The following CDH12 variants were observed in gnomAD, a reference collection of about 807,000 sequenced individuals.
CDH12 encodes cadherin-12.
CDH12 carries 41 observed loss-of-function variants against 74.1 expected under a neutral mutation model. The ratio of observed to expected loss-of-function variants is 0.55; its 90% CI spans 0.43 to 0.72. The LOEUF (loss-of-function observed/expected upper bound fraction) is 0.72. Ranked by LOEUF, CDH12 falls within the 30% of genes least tolerant of loss-of-function variation. The pLI, the probability that CDH12 is intolerant of heterozygous loss-of-function variation, is 0.00. For missense variants in CDH12, 945 were observed against 977.2 expected, an observed-to-expected ratio of 0.97 and a Z score of 0.44; for synonymous variants, 399 against 355.0, an observed-to-expected ratio of 1.12 and a Z score of -1.39.
At chr5:22,283,207 T>G (rs1349472145) in intron 3 of CDH12, among the ~76,000 whole-genome samples, 7 of 87,378 alleles carry the variant, frequency 8.0e-5, no homozygotes, top group African/African-American at 1.2e-4. Flanking sequence ...ATCTGTGAGA[T>G]ATATATATAG....
At chr5:21,935,074 A>C (rs760825208) in intron 6 of CDH12, among the ~76,000 whole-genome samples, 24 of 151,948 alleles carry the variant, frequency 1.6e-4, no homozygotes, top group South Asian at 6.2e-4. Flanking sequence ...GCGTGAGCCA[A>C]CGTGCCCGGC....
At chr5:22,624,758 C>T (rs563052707) in intron 1 of CDH12, among the ~76,000 whole-genome samples, 3 of 152,156 alleles carry the variant, frequency 2.0e-5, no homozygotes, top group African/African-American at 7.2e-5. Context: ...GTGGCGATTC[C>T]TCAAGGATCT....
intron 1 of CDH12, among the ~76,000 whole-genome samples, chr5:22,754,532 A>G (rs556285543): frequency 1.3e-5 from 2 of 149,344 alleles, no homozygotes; most frequent in East Asian, 2.1e-4. Flanking sequence ...AAAATCATCA[A>G]GGAAAGCAGG....
chr5:22,845,841 T>C (rs1348256748), intron 1 of CDH12, among the ~76,000 whole-genome samples: 1 of 152,152 alleles, frequency 6.6e-6, no homozygotes, highest in Non-Finnish European at 1.5e-5. Flanking sequence ...AGAGTGTACA[T>C]CTGCTACTGT....
intron 1 of CDH12, among the ~76,000 whole-genome samples, chr5:22,734,346 A>G (rs1409924958): frequency 1.3e-5 from 2 of 151,910 alleles, no homozygotes; most frequent in Non-Finnish European, 2.9e-5. Context: ...GCAACAACAT[A>G]ATAAAAAAAA....
intron 8 of CDH12, among the ~76,000 whole-genome samples, chr5:21,829,673 A>C (rs1748894296): frequency 6.6e-6 from 1 of 152,184 alleles, no homozygotes; most frequent in Non-Finnish European, 1.5e-5. Flanking sequence ...ATGTGAAATA[A>C]ATGGTGACTT....
At chr5:22,485,533 CT>C (rs1746557216) in intron 2 of CDH12, among the ~76,000 whole-genome samples, 1 of 152,074 alleles carries the variant, frequency 6.6e-6, no homozygotes, top group Admixed American at 6.6e-5. Context: ...CTTTTTTCCC[CT>C]GGCCAACATA....
At chr5:22,624,316 C>G (rs1266801289) in intron 1 of CDH12, among the ~76,000 whole-genome samples, 1 of 151,646 alleles carries the variant, frequency 6.6e-6, no homozygotes, top group African/African-American at 2.4e-5. Flanking sequence ...CAAATGGGAT[C>G]TAATTAAACT....
At chr5:22,227,728 T>C (rs1204548460) in intron 3 of CDH12, among the ~76,000 whole-genome samples, 2 of 152,156 alleles carry the variant, frequency 1.3e-5, no homozygotes, top group Non-Finnish European at 2.9e-5. Context: ...TGTGATTCTC[T>C]AGTCCTCCAG....
At position 22,843,625 on chromosome 5, in the gene CDH12, T is replaced by C. The variant is rs1473274879; in HGVS notation, c.-523+9433A>G. Among the ~76,000 whole-genome samples the C allele has an allele frequency of 4.6e-5, 7 of 151,448 alleles. No individual in the cohort carries two copies. The Admixed American group carries it at 4.6e-4, about 10-fold the overall frequency. On this transcript the variant is annotated intron_variant, in intron 1 of 14. Coordinates refer to ENST00000382254, the MANE Select transcript of CDH12 (RefSeq NM_004061.5). ...TCTTAACATTTGTGGTGTGTGTGTGTGTGTGTGTGTGTGTGTGTGTGTATG... is the reference window on the plus strand; with the variant it reads ...TCTTAACATTTGTGGTGTGTGTGTGCGTGTGTGTGTGTGTGTGTGTGTATG...
chr5:21,997,451 G>T (rs1053990954), intron 5 of CDH12, among the ~76,000 whole-genome samples: 1 of 152,018 alleles, frequency 6.6e-6, no homozygotes, highest in Non-Finnish European at 1.5e-5. Context: ...TGCCTGAAAT[G>T]GATTTTAAAT....
intron 1 of CDH12, among the ~76,000 whole-genome samples, chr5:22,850,575 T>C (rs1737503871): frequency 6.6e-6 from 1 of 152,112 alleles, no homozygotes; most frequent in East Asian, 1.9e-4. Context: ...GGAATATCAA[T>C]TGGTACTAGA....
At chr5:22,309,057 A>T (rs12187087) in intron 3 of CDH12, among the ~76,000 whole-genome samples, 81,568 of 151,758 alleles carry the variant, frequency 0.54, 22,341 homozygotes, top group Admixed American at 0.59. Context: ...ACAGAACCAT[A>T]CAAAAATGGG....
At chr5:22,050,819 A>AC (rs1740305560) in intron 5 of CDH12, among the ~76,000 whole-genome samples, 1 of 152,160 alleles carries the variant, frequency 6.6e-6, no homozygotes, top group Non-Finnish European at 1.5e-5. Flanking sequence ...TGAGAGTTCA[A>AC]CCATGATATC....
chr5:22,838,154 G>A (rs1043131033), intron 1 of CDH12, among the ~76,000 whole-genome samples: 11 of 152,120 alleles, frequency 7.2e-5, no homozygotes, highest in African/African-American at 1.4e-4. Flanking sequence ...CCCTGATGAC[G>A]GTCATGCTGA....
intron 2 of CDH12, among the ~76,000 whole-genome samples, chr5:22,495,285 C>T (rs1179150262): frequency 6.6e-6 from 1 of 152,118 alleles, no homozygotes; most frequent in African/African-American, 2.4e-5. Context: ...AAGGATCCTA[C>T]CACTCTTCAC....
chr5:22,492,907 G>C (rs1265073624), intron 2 of CDH12, among the ~76,000 whole-genome samples: 1 of 152,068 alleles, frequency 6.6e-6, no homozygotes, highest in Non-Finnish European at 1.5e-5. Flanking sequence ...ATCGCACACA[G>C]AAGATCCAAA....
In CDH12 at chr5:22,121,101, CTT is replaced by C. The variant is rs767542568; in HGVS notation, c.-186-42241_-186-42240del. Among the ~76,000 whole-genome samples, 9 of 152,218 alleles carry C rather than the reference CTT, an allele frequency of 5.9e-5. 1 individual carries two copies. The highest frequency in any genetic ancestry group is 1.9e-4 in the East Asian group (1 of 5,182). On this transcript the variant is annotated intron_variant, in intron 4 of 14. Coordinates refer to ENST00000382254, the MANE Select transcript of CDH12 (RefSeq NM_004061.5). ...CTTAATTCCAAATTTAAAATTCAGA[CTT>C]ATATCTATATTATGAGCAAGAAAGA...
At chr5:21,756,723 T>C (rs567889971) in intron 13 of CDH12, among the ~76,000 whole-genome samples, 6 of 152,294 alleles carry the variant, frequency 3.9e-5, no homozygotes, top group South Asian at 2.1e-4. Context: ...AATATGTAGT[T>C]TATTATAGCT....
Sources: allele counts gnomAD v4.1 joint callset (sites outside exome capture counted in the v4.1 genomes callset), GRCh38; gene constraint gnomAD v4.1.1; transcripts MANE v1.5; gene names NCBI Gene and HGNC (gene_info 2026-07-23, HGNC 2026-07-21).